Variants in EYS observed in about 807,000 individuals in gnomAD.
EYS encodes the protein EGF-like photoreceptor maintenance factor.
Under a neutral mutation model 282.1 loss-of-function variants are expected in EYS, and 250 were observed. That is an observed-to-expected ratio of 0.89 (90% CI 0.80 to 0.98). The LOEUF (loss-of-function observed/expected upper bound fraction) is 0.98, where lower values mean the gene tolerates loss of function less well. Ranked by LOEUF, EYS falls within the 50% of genes least tolerant of loss-of-function variation. The probability of loss-of-function intolerance (pLI) is 0.00; values close to 1 mark genes in which losing one functional copy is unlikely to be tolerated. For missense variants in EYS, 4,016 were observed against 3,709.0 expected (o/e 1.08, Z -2.15); for synonymous variants, 1,355 against 1,282.9 (o/e 1.06, Z -1.20).
intron 14 of EYS, among the ~76,000 whole-genome samples, chr6:64,948,581 A>G (rs1769375524): frequency 6.8e-6 from 1 of 146,822 alleles, no homozygotes; most frequent in South Asian, 2.1e-4. Flanking sequence ...AATATTAAAT[A>G]TTAAGTAATT....
intron 22 of EYS, among the ~76,000 whole-genome samples, chr6:64,761,909 A>G (rs1238536153): frequency 6.6e-6 from 1 of 152,228 alleles, no homozygotes; most frequent in Non-Finnish European, 1.5e-5. Context: ...TTGGGGGAGA[A>G]AAGGAGAAAT....
At position 65,438,950 on chromosome 6, in the gene EYS, A is replaced by T. The variant is rs1351427679; in HGVS notation, c.863-33583T>A. 2.0e-5 allele frequency among the ~76,000 whole-genome samples: 3 copies of T among 152,120 alleles called. No homozygotes were observed. In the East Asian group the frequency reaches 5.8e-4, roughly 29 times the overall value. ...TGTCCATGCCTATGTCCTGAATGGT[A>T]CTGCCTAGGTTTTCTTCTAGGGTTT... On this transcript the variant is annotated intron_variant, in intron 5 of 42. Transcript: ENST00000503581.
intron 12 of EYS, among the ~76,000 whole-genome samples, chr6:65,071,895 G>A (rs1773912221): frequency 6.6e-6 from 1 of 151,650 alleles, no homozygotes; most frequent in Non-Finnish European, 1.5e-5. Flanking sequence ...ATAGATTAAT[G>A]CCATTATAAA....
chr6:64,518,909 A>G (rs1040256239), intron 26 of EYS, among the ~76,000 whole-genome samples: 9 of 151,754 alleles, frequency 5.9e-5, no homozygotes, highest in Non-Finnish European at 7.4e-5. Context: ...CTGTGAATCA[A>G]TTAAACCTCT....
intron 19 of EYS, among the ~76,000 whole-genome samples, chr6:64,871,276 G>A (rs940819566): frequency 5.3e-5 from 8 of 151,398 alleles, no homozygotes; most frequent in Admixed American, 6.6e-5. Flanking sequence ...TTAAGGAACA[G>A]GCCATCATTA....
At chr6:65,282,027 G>A (rs1293489583) in intron 12 of EYS, among the ~76,000 whole-genome samples, 5 of 151,576 alleles carry the variant, frequency 3.3e-5, no homozygotes, top group Admixed American at 6.6e-5. Context: ...AATCTTAAAC[G>A]ATTCAAGTCA....
At position 64,311,834 on chromosome 6, in the gene EYS, T is replaced by A. The variant is rs552151033; in HGVS notation, c.6079-4752A>T. ...GACTATATCGGGAGGAACGGTGCAC[T>A]CTGGCTTAGATACTGTGCTTTTCCC... On this transcript the variant is annotated intron_variant, in intron 29 of 42. Transcript: ENST00000503581. 2.0e-5 allele frequency among the ~76,000 whole-genome samples: 3 copies of A among 152,176 alleles called. No homozygotes were observed. In the South Asian group the frequency reaches 6.2e-4, roughly 32 times the overall value.
At chr6:64,757,041 AT>A (rs894975780) in intron 22 of EYS, among the ~76,000 whole-genome samples, 5 of 152,118 alleles carry the variant, frequency 3.3e-5, no homozygotes, top group African/African-American at 1.2e-4. Flanking sequence ...CCCCAAACTA[AT>A]ATCTGATTTA....
In EYS at chr6:64,623,086, C is replaced by G. The variant is rs1024466612; in HGVS notation, c.3568+3035G>C. ...AACATCTAGACTAAGCTGAACCACA[C>G]TGATTGATTTTATTGGGGAAGGCCT... On this transcript the variant is annotated intron_variant, in intron 23 of 42. Coordinates refer to ENST00000503581, the MANE Select transcript of EYS (RefSeq NM_001142800.2). 1.8e-4 allele frequency among the ~76,000 whole-genome samples: 27 copies of G among 152,126 alleles called. 1 individual carries two copies.
At chr6:65,287,631 T>A (rs186390824) in intron 12 of EYS, among the ~76,000 whole-genome samples, 62 of 151,328 alleles carry the variant, frequency 4.1e-4, no homozygotes, top group African/African-American at 1.4e-3. Flanking sequence ...TAAATCAGAT[T>A]CTGAAAAAAA....
At chr6:65,306,883 C>T (rs1582125184) in intron 11 of EYS, among the ~76,000 whole-genome samples, 1 of 121,594 alleles carries the variant, frequency 8.2e-6, no homozygotes, top group Non-Finnish European at 1.8e-5. Context: ...ATTTTGTAGT[C>T]TTCCTCTGGA....
intron 28 of EYS, among the ~76,000 whole-genome samples, chr6:64,391,122 A>G (rs907132905): frequency 1.3e-5 from 2 of 152,210 alleles, no homozygotes; most frequent in Non-Finnish European, 2.9e-5. Flanking sequence ...ATATGGGACT[A>G]TGTGAAAAGA....
chr6:63,952,545 A>C (rs1314526122), intron 35 of EYS, among the ~76,000 whole-genome samples: 2 of 152,022 alleles, frequency 1.3e-5, no homozygotes, highest in Non-Finnish European at 2.9e-5. Flanking sequence ...AGGCTTCTAA[A>C]CCTCTTAAAA....
chr6:65,434,460 A>G (rs964564940), intron 5 of EYS, among the ~76,000 whole-genome samples: 32 of 151,986 alleles, frequency 2.1e-4, no homozygotes, highest in African/African-American at 7.7e-4. Flanking sequence ...AGCTGGGACT[A>G]CAGGCGCCCG....
At chr6:64,054,529 G>T (rs1770918431) in intron 33 of EYS, among the ~76,000 whole-genome samples, 1 of 152,008 alleles carries the variant, frequency 6.6e-6, no homozygotes. Context: ...CACATGATTT[G>T]TTCATAAAAT....
Position 64,219,728 on chromosome 6 carries a change from G to A in EYS, c.6424+10864C>T, listed in dbSNP as rs186415100. 1.3e-3 allele frequency among the ~76,000 whole-genome samples: 197 copies of A among 152,204 alleles called. 1 individual carries two copies. The highest frequency in any genetic ancestry group is 2.5e-3 in the Non-Finnish European group (170 of 68,006). ...CTGACTTTTGAATGATCGCCATTGC[G>A]CATGTATGTTTACTGTGCCACTATT... is the stretch of plus-strand genomic sequence containing the variant. On this transcript the variant is annotated intron_variant, in intron 31 of 42. Coordinates refer to ENST00000503581, the MANE Select transcript of EYS (RefSeq NM_001142800.2).
chr6:65,497,316 T>C (rs1042413867), intron 2 of EYS, among the ~76,000 whole-genome samples: 1 of 151,970 alleles, frequency 6.6e-6, no homozygotes, highest in Non-Finnish European at 1.5e-5. Context: ...ATCAACAAAA[T>C]AGTCTAACAG....
At chr6:64,860,831 T>TA (rs1766213375) in intron 19 of EYS, among the ~76,000 whole-genome samples, 1 of 152,212 alleles carries the variant, frequency 6.6e-6, no homozygotes, top group African/African-American at 2.4e-5. Flanking sequence ...TATTGAGCAA[T>TA]AGAACAGCTC....
chr6:64,379,295 A>C (rs1340579765), intron 29 of EYS, among the ~76,000 whole-genome samples: 1 of 152,178 alleles, frequency 6.6e-6, no homozygotes. Context: ...CTTGCTGTTG[A>C]GTTACATAGA....
Sources: allele counts gnomAD v4.1 joint callset (sites outside exome capture counted in the v4.1 genomes callset), GRCh38; gene constraint gnomAD v4.1.1; transcripts MANE v1.5; gene names NCBI Gene and HGNC (gene_info 2026-07-23, HGNC 2026-07-21).